METTL8: variants seen among roughly 807,000 people sequenced by gnomAD.
METTL8 encodes the protein tRNA N(3)-cytidine methyltransferase METTL8, mitochondrial.
METTL8 carries 32 observed loss-of-function variants against 48.7 expected under a neutral mutation model. The ratio of observed to expected loss-of-function variants is 0.66; its 90% CI spans 0.50 to 0.88. METTL8 has a LOEUF of 0.88. Among genes scored for constraint, METTL8 ranks in the 40% least tolerant of loss-of-function variants. METTL8 has a pLI of 0.00. For synonymous variants in METTL8, 136 were observed against 157.1 expected, an observed-to-expected ratio of 0.87 and a Z score of 1.01; for missense variants, 464 against 474.4, an observed-to-expected ratio of 0.98 and a Z score of 0.20.
intron 1 of METTL8, among the ~76,000 whole-genome samples, chr2:171,417,274 T>TC (rs1159535259): frequency 6.6e-6 from 1 of 152,216 alleles, no homozygotes; most frequent in East Asian, 1.9e-4. Context: ...TCGATGATTT[T>TC]CCCCATGAAA....
chr2:171,426,514 A>T (rs1056638850), intron 1 of METTL8, among the ~76,000 whole-genome samples: 2 of 152,168 alleles, frequency 1.3e-5, no homozygotes, highest in Non-Finnish European at 2.9e-5. Flanking sequence ...TATAATTGTT[A>T]TTTGTATATT....
chr2:171,363,814 A>C lies in METTL8; in HGVS notation c.144-3301T>G, dbSNP rs199603102. On this transcript the variant is annotated intron_variant, in intron 2 of 9. Transcript: ENST00000375258. The stretch of plus-strand genomic sequence containing the variant: ...ATTTTATATATATATATATATATAT[A>C]TCTTTTTTTTTTTTTTGAGATGGAG... Among the ~76,000 whole-genome samples, 57 of 131,188 alleles carry C rather than the reference A, an allele frequency of 4.3e-4. 3 individuals carry two copies. The Middle Eastern group carries it at 0.012, about 28-fold the overall frequency. The allele number at this position is 131,188 out of a possible 152,430, so 86.1% of individuals were successfully genotyped here. A position where few individuals can be genotyped will look rare whatever the true frequency, so the allele number is the denominator to read the frequency against.
intron 1 of METTL8, among the ~76,000 whole-genome samples, chr2:171,420,184 C>T (rs1330755478): frequency 2.0e-5 from 3 of 152,066 alleles, no homozygotes; most frequent in Non-Finnish European, 4.4e-5. Context: ...AACCCTGTCT[C>T]TACAAAAAAT....
intron 2 of METTL8, among the ~76,000 whole-genome samples, chr2:171,390,463 G>T (rs1473799776): frequency 6.6e-6 from 1 of 152,194 alleles, no homozygotes; most frequent in Non-Finnish European, 1.5e-5. Context: ...AAAGTAAACT[G>T]AAAACACTCT....
At chr2:171,404,767 T>C (rs1226367387) in intron 1 of METTL8, among the ~76,000 whole-genome samples, 2 of 152,140 alleles carry the variant, frequency 1.3e-5, no homozygotes, top group Non-Finnish European at 2.9e-5. Context: ...AGGGCATGTG[T>C]AGCATTTAAA....
At chr2:171,358,641 A>G (rs1684838900) in intron 3 of METTL8, among the ~76,000 whole-genome samples, 1 of 152,200 alleles carries the variant, frequency 6.6e-6, no homozygotes, top group African/African-American at 2.4e-5. Flanking sequence ...CTTATTTACT[A>G]TATATAAAAA....
chr2:171,377,314 A>T (rs1379929793), intron 2 of METTL8, among the ~76,000 whole-genome samples: 1 of 152,214 alleles, frequency 6.6e-6, no homozygotes, highest in Non-Finnish European at 1.5e-5. Context: ...AAGACCCCAA[A>T]AGCAAAACAA....
intron 2 of METTL8, among the ~76,000 whole-genome samples, chr2:171,378,321 A>G (rs1687175579): frequency 6.6e-6 from 1 of 152,212 alleles, no homozygotes; most frequent in Non-Finnish European, 1.5e-5. Context: ...AAACCAACAA[A>G]GATCAAAAAA....
intron 3 of METTL8, among the ~76,000 whole-genome samples, chr2:171,341,105 G>A (rs1156406308): frequency 3.9e-5 from 6 of 151,920 alleles, no homozygotes; most frequent in East Asian, 1.9e-4. Flanking sequence ...CGAGGCGGGC[G>A]GATCACGAGG....
intron 5 of METTL8, among the ~76,000 whole-genome samples, chr2:171,335,613 C>G (rs1686004611): frequency 6.6e-6 from 1 of 151,960 alleles, no homozygotes; most frequent in Non-Finnish European, 1.5e-5. Context: ...TTAGTAGAGA[C>G]AGGGTTTCAC....
chr2:171,360,457 T>C lies in METTL8; in HGVS notation c.200A>G (p.Glu67Gly). Reference sequence around the variant, plus strand: ...CAGAAGGACTCGCACAGCTGAGTTTTCTTTTACTTTTTTTCTGGCTGCTGC... The same window carrying C: ...CAGAAGGACTCGCACAGCTGAGTTTCCTTTTACTTTTTTTCTGGCTGCTGC... ...EEAAARKKVKENSAVRVLLEE... is the reference protein window; with the variant it reads ...EEAAARKKVKGNSAVRVLLEE... Residue 67 changes from glutamate to glycine, a missense_variant, in exon 3 of 10, where the codon GAA becomes GGA. Transcript: ENST00000375258. The C allele has an allele frequency of 6.2e-7, 1 of 1,613,984 alleles. No homozygotes were observed. Among genetic ancestry groups the C allele is most frequent in the Non-Finnish European group, 8.5e-7 (1 of 1,179,952 alleles).
chr2:171,342,863 G>C (rs1333885169), intron 3 of METTL8, among the ~76,000 whole-genome samples: 1 of 152,168 alleles, frequency 6.6e-6, no homozygotes, highest in African/African-American at 2.4e-5. Context: ...GGAAGTACAG[G>C]GGAGTAACCT....
chr2:171,432,971 G>C (rs1693265355), intron 1 of METTL8: 2 of 152,144 alleles, frequency 1.3e-5, no homozygotes, highest in African/African-American at 4.8e-5. Context: ...AAATAAATGG[G>C]AGCTATACAT....
In METTL8 at chr2:171,325,051, G is replaced by A. The variant is rs182193582; in HGVS notation, c.1034-689C>T. Among the ~76,000 whole-genome samples the A allele has an allele frequency of 1.7e-3, 260 of 151,038 alleles. 3 individuals carry two copies. The highest frequency in any genetic ancestry group is 6.0e-3 in the African/African-American group (247 of 41,146). On this transcript the variant is annotated intron_variant, in intron 9 of 9. Transcript: ENST00000375258. ...GTGGGAGAATCGTTTGAACCGGCGA[G>A]GTGGAGATGGCAGTGAGCTGAGATT...
intron 2 of METTL8, among the ~76,000 whole-genome samples, chr2:171,367,283 TA>T (rs1685826479): frequency 6.6e-6 from 1 of 152,060 alleles, no homozygotes; most frequent in African/African-American, 2.4e-5. Flanking sequence ...GAAAAGTAGC[TA>T]CCATATACAG....
Position 171,316,359 on chromosome 2 carries a change from C to T in METTL8, c.*7813G>A, listed in dbSNP as rs567087759. Among the ~76,000 whole-genome samples the T allele has an allele frequency of 8.5e-5, 13 of 152,312 alleles. No homozygotes were observed. Among genetic ancestry groups the T allele is most frequent in the African/African-American group, 3.1e-4 (13 of 41,576 alleles). ...GAGCAGCAGTGCTGAATGGGGAAGC[C>T]TGGATCCATGGTTTTTTCCTAAAGT... On this transcript the variant is annotated 3_prime_UTR_variant, in exon 10 of 10. Transcript: ENST00000375258.
At chr2:171,324,602 T>C (rs142604287) in intron 9 of METTL8, among the ~76,000 whole-genome samples, 16 of 152,348 alleles carry the variant, frequency 1.1e-4, no homozygotes, top group Admixed American at 4.6e-4. Context: ...TCAACAGATA[T>C]ATAAAACTAT....
intron 1 of METTL8, among the ~76,000 whole-genome samples, chr2:171,428,051 T>G (rs1415119456): frequency 6.6e-6 from 1 of 152,348 alleles, no homozygotes; most frequent in East Asian, 1.9e-4. Flanking sequence ...TGAATTAATA[T>G]TTCTTCTTTC....
chr2:171,385,626 C>T (rs532733392), intron 2 of METTL8, among the ~76,000 whole-genome samples: 4 of 152,296 alleles, frequency 2.6e-5, no homozygotes, highest in South Asian at 2.1e-4. Flanking sequence ...CCACAGGTGT[C>T]GGGTGCAGAC....
Sources: allele counts gnomAD v4.1 joint callset (sites outside exome capture counted in the v4.1 genomes callset), GRCh38; gene constraint gnomAD v4.1.1; transcripts MANE v1.5; gene names NCBI Gene and HGNC (gene_info 2026-07-23, HGNC 2026-07-21).